GALNT1: variants seen among roughly 807,000 people sequenced by gnomAD.
The protein encoded by GALNT1 is GalNAc transferase 1.
A neutral mutation model predicts 65.7 loss-of-function variants in GALNT1; 17 were observed. The ratio of observed to expected loss-of-function variants is 0.26; its 90% CI spans 0.18 to 0.39. GALNT1 has a LOEUF of 0.39. GALNT1 is among the 10% of genes least tolerant of loss of function. The probability of loss-of-function intolerance (pLI) is 1.00; values close to 1 mark genes in which losing one functional copy is unlikely to be tolerated. For missense variants in GALNT1, 460 were observed against 672.8 expected (o/e 0.68, Z 3.50); for synonymous variants, 210 against 219.7 (o/e 0.96, Z 0.39).
chr18:35,691,251 A>G, intron 8 of GALNT1, 59 bp downstream of exon 8: 1 of 1,443,936 alleles, frequency 6.9e-7, no homozygotes, highest in Non-Finnish European at 9.4e-7. Context: ...CTGATCCTGG[A>G]GGAGAAGTAA....
intron 5 of GALNT1, among the ~76,000 whole-genome samples, chr18:35,684,398 C>T (rs2047835353): frequency 6.6e-6 from 1 of 152,094 alleles, no homozygotes; most frequent in Non-Finnish European, 1.5e-5. Context: ...TTGGGCCAAT[C>T]AATGGGAAAG....
At chr18:35,677,477 G>C (rs1282914092) in intron 3 of GALNT1, 114 bp from the exon 4 acceptor site, 1 of 652,152 alleles carries the variant, frequency 1.5e-6, no homozygotes, top group Non-Finnish European at 2.5e-6. Flanking sequence ...AGGTACCAAG[G>C]ATCCCACCAC....
chr18:35,687,021 C>A lies in GALNT1; in HGVS notation c.695C>A (p.Thr232Lys), dbSNP rs1407213480. 6.2e-7 allele frequency: 1 copy of A among 1,608,846 alleles called. No homozygotes were observed. Among genetic ancestry groups the A allele is most frequent in the Non-Finnish European group, 8.5e-7 (1 of 1,177,862 alleles). The change falls in exon 6 of 12, where the codon ACA (threonine) becomes AAA (lysine). Residue 232 changes from threonine to lysine, a missense_variant. Transcript: ENST00000269195. ...LLARIKHDRR[T>K]VVCPIIDVIS... ...ACTTGCTTTTATGACATCAGGAGAA[C>A]AGTGGTGTGTCCCATCATCGATGTG...
chr18:35,642,458 G>A (rs967518737), intron 1 of GALNT1, among the ~76,000 whole-genome samples: 3 of 152,156 alleles, frequency 2.0e-5, no homozygotes, highest in Admixed American at 6.5e-5. Context: ...AGGAAGGACC[G>A]TAAGAATAGG....
intron 1 of GALNT1, among the ~76,000 whole-genome samples, chr18:35,609,775 T>C (rs1251034255): frequency 6.6e-6 from 1 of 152,196 alleles, no homozygotes; most frequent in Non-Finnish European, 1.5e-5. Context: ...GCCCACTCTT[T>C]GCTTAGTATT....
intron 11 of GALNT1, 25 bp from the exon 12 acceptor site, chr18:35,709,599 C>T (rs1265534566): frequency 1.2e-6 from 2 of 1,611,910 alleles, no homozygotes; most frequent in Non-Finnish European, 1.7e-6. Context: ...CTTCCACTCT[C>T]ATGTTAAGAT....
At chr18:35,631,593 CA>C (rs2047011189) in intron 1 of GALNT1, among the ~76,000 whole-genome samples, 1 of 152,140 alleles carries the variant, frequency 6.6e-6, no homozygotes, top group Non-Finnish European at 1.5e-5. Context: ...AACCCACAGC[CA>C]ATATCATACT....
At chr18:35,670,322 G>A (rs1003852237) in intron 3 of GALNT1, among the ~76,000 whole-genome samples, 2 of 151,880 alleles carry the variant, frequency 1.3e-5, no homozygotes, top group African/African-American at 4.8e-5. Context: ...TATTCAGTAA[G>A]GTTGAAGGTT....
At chr18:35,602,062 CAGTGGT>C (rs1204903957) in intron 1 of GALNT1, among the ~76,000 whole-genome samples, 1 of 152,192 alleles carries the variant, frequency 6.6e-6, no homozygotes, top group Non-Finnish European at 1.5e-5. Context: ...TCAGGTCTAG[CAGTGGT>C]AAATACCTTT....
intron 1 of GALNT1, among the ~76,000 whole-genome samples, chr18:35,634,381 G>A (rs890759366): frequency 8.5e-5 from 13 of 152,202 alleles, no homozygotes; most frequent in African/African-American, 2.4e-4. Flanking sequence ...TTGTGTGGGG[G>A]TTCCCAAGAC....
intron 9 of GALNT1, among the ~76,000 whole-genome samples, chr18:35,698,703 C>T (rs900145567): frequency 5.9e-5 from 9 of 151,660 alleles, no homozygotes; most frequent in Non-Finnish European, 1.0e-4. Flanking sequence ...CACGGCCAGG[C>T]GCCGGTGGCT....
chr18:35,685,764 G>A (rs1484429632), intron 5 of GALNT1, among the ~76,000 whole-genome samples: 1 of 152,136 alleles, frequency 6.6e-6, no homozygotes, highest in Non-Finnish European at 1.5e-5. Context: ...TGCCAAACAC[G>A]AGATTACTAT....
At chr18:35,588,584 G>T (rs2046405256) in intron 1 of GALNT1, among the ~76,000 whole-genome samples, 1 of 152,006 alleles carries the variant, frequency 6.6e-6, no homozygotes, top group South Asian at 2.1e-4. Context: ...TCAGTCTTTT[G>T]TTATGATTCC....
rs1393491436 is a variant in GALNT1, at chr18:35,598,020, T to TCCCCTC, written c.-104+16160_-104+16161insCCTCCC. Among the ~76,000 whole-genome samples, 3 of 16,248 alleles carry TCCCCTC rather than the reference T, an allele frequency of 1.8e-4. 1 individual carries two copies. The highest frequency in any genetic ancestry group is 6.1e-3 in the East Asian group (2 of 330). 10.7% of individuals were successfully genotyped at this position (16,248 alleles called of 152,430 possible). ...TCCCCTCCCCTCCCCTCCCCTCCCC[T>TCCCCTC]CCAATCCCCTCCCATCCCCTCCCCT... On this transcript the variant is annotated intron_variant, in intron 1 of 11. Transcript: ENST00000269195.
At chr18:35,607,501 A>G (rs987166472) in intron 1 of GALNT1, among the ~76,000 whole-genome samples, 6 of 152,086 alleles carry the variant, frequency 3.9e-5, no homozygotes, top group African/African-American at 1.4e-4. Context: ...CTAGTTACAT[A>G]CAGAGGCTTA....
chr18:35,661,082 A>G (rs2047471317), intron 2 of GALNT1, among the ~76,000 whole-genome samples: 1 of 152,196 alleles, frequency 6.6e-6, no homozygotes, highest in Non-Finnish European at 1.5e-5. Context: ...CTGGTTATAT[A>G]ATTTCATGTG....
chr18:35,703,101 AG>A (rs772483323), intron 10 of GALNT1, 106 bp downstream of exon 10: 4 of 651,420 alleles, frequency 6.1e-6, no homozygotes, highest in Admixed American at 3.0e-5. Flanking sequence ...CTTCCTTTAA[AG>A]AGAAAATAAT....
At chr18:35,636,394 T>TA (rs1336723831) in intron 1 of GALNT1, among the ~76,000 whole-genome samples, 1 of 152,132 alleles carries the variant, frequency 6.6e-6, no homozygotes, top group African/African-American at 2.4e-5. Context: ...GAAAGGCCAT[T>TA]AGAGGGTTTT....
intron 1 of GALNT1, among the ~76,000 whole-genome samples, chr18:35,599,542 C>T (rs1432519370): frequency 1.3e-5 from 2 of 151,942 alleles, no homozygotes; most frequent in Non-Finnish European, 2.9e-5. Flanking sequence ...AGCTAATTTT[C>T]TGTATTTTGG....
Sources: gnomAD v4.1 joint callset for allele counts (sites outside exome capture counted in the v4.1 genomes callset) on GRCh38, gnomAD v4.1.1 for gene constraint, MANE v1.5 for transcripts, NCBI Gene and HGNC (gene_info 2026-07-23, HGNC 2026-07-21) for gene names.